The following ANKRD44 variants were observed in gnomAD, a reference collection of about 807,000 sequenced individuals.
ANKRD44 encodes the protein ankyrin repeat domain 44, also known as serine/threonine-protein phosphatase 6 regulatory ankyrin repeat subunit B.
A neutral mutation model predicts 116.0 loss-of-function variants in ANKRD44; 35 were observed. That is an observed-to-expected ratio of 0.30 (90% CI 0.23 to 0.40). The LOEUF (loss-of-function observed/expected upper bound fraction) is 0.40. Among genes scored for constraint, ANKRD44 ranks in the 10% least tolerant of loss-of-function variants. The probability of loss-of-function intolerance (pLI) is 1.00; values close to 1 mark genes in which losing one functional copy is unlikely to be tolerated. For synonymous variants in ANKRD44, 435 were observed against 461.8 expected (o/e 0.94, Z 0.74); for missense variants, 1,014 against 1,242.6 (o/e 0.82, Z 2.77).
rs769098088 is a variant in ANKRD44 at position 196,987,781 on chromosome 2, T to C, written c.*1810A>G. 273 of 985,236 alleles carry C rather than the reference T, an allele frequency of 2.8e-4. No individual in the cohort carries two copies. Among genetic ancestry groups the C allele is most frequent in the Non-Finnish European group, 3.2e-4 (263 of 829,914 alleles). 61.0% of individuals were successfully genotyped at this position (985,236 alleles called of 1,614,324 possible). A position where few individuals can be genotyped will look rare whatever the true frequency, so the allele number is the denominator to read the frequency against. On this transcript the variant is annotated 3_prime_UTR_variant, in exon 28 of 28. Coordinates refer to ENST00000282272, the MANE Select transcript of ANKRD44 (RefSeq NM_001195144.2). ...ATGATCCTTGTAGTTGTGGTTAAAA[T>C]ACAGTCTAAAAATAACACAAATAAA... is the stretch of plus-strand genomic sequence containing the variant.
At chr2:197,137,554 G>A (rs1253686110) in intron 3 of ANKRD44, among the ~76,000 whole-genome samples, 1 of 152,152 alleles carries the variant, frequency 6.6e-6, no homozygotes, top group Non-Finnish European at 1.5e-5. Context: ...GTGAACTAGA[G>A]GTTTAGTTTA....
rs2075789414 is a variant in ANKRD44 at position 196,979,964 on chromosome 2, T to G, written c.2369-12518A>C. Among the ~76,000 whole-genome samples, 3 of 152,294 alleles carry G rather than the reference T, an allele frequency of 2.0e-5. No homozygotes were observed. The East Asian group carries it at 5.8e-4, about 29-fold the overall frequency. On this transcript the variant is annotated intron_variant, in intron 21 of 21. Transcript: ENST00000424317. ...CTGCTCCACACCATCCAGGACACTC[T>G]CAGATCACCAGGCTGGCGGCAAGGA...
chr2:196,968,301 G>A (rs1309888362), intron 21 of ANKRD44, among the ~76,000 whole-genome samples: 2 of 152,190 alleles, frequency 1.3e-5, no homozygotes, highest in African/African-American at 4.8e-5. Context: ...ATTGGCTCCA[G>A]GAATGGTTCC....
At chr2:197,042,795 C>T (rs908752729) in intron 16 of ANKRD44, among the ~76,000 whole-genome samples, 3 of 152,214 alleles carry the variant, frequency 2.0e-5, no homozygotes, top group African/African-American at 7.2e-5. Context: ...GAATCATGTT[C>T]AGCCAGTGAG....
chr2:197,047,871 T>C (rs537965067), intron 16 of ANKRD44, among the ~76,000 whole-genome samples: 4 of 151,714 alleles, frequency 2.6e-5, no homozygotes, highest in African/African-American at 9.7e-5. Flanking sequence ...GATTGTGCCA[T>C]TGCACTCTAG....
chr2:196,999,114 C>A, intron 23 of ANKRD44, 62 bp from the exon 24 acceptor site: 1 of 1,578,928 alleles, frequency 6.3e-7, no homozygotes, highest in East Asian at 2.2e-5. Flanking sequence ...CTAGTTACTG[C>A]CCAAGAAACA....
intron 1 of ANKRD44, among the ~76,000 whole-genome samples, chr2:197,303,058 T>G (rs1008629720): frequency 1.4e-4 from 21 of 152,272 alleles, no homozygotes; most frequent in Middle Eastern, 3.4e-3. Context: ...GGGTTCTGTG[T>G]CCCCACAGCC....
At chr2:197,183,264 G>A (rs2080561548) in intron 2 of ANKRD44, among the ~76,000 whole-genome samples, 1 of 152,104 alleles carries the variant, frequency 6.6e-6, no homozygotes, top group East Asian at 1.9e-4. Flanking sequence ...AGGGAAAGGT[G>A]AAAAACTCAG....
chr2:197,031,616 A>C (rs570721027), intron 16 of ANKRD44, among the ~76,000 whole-genome samples: 20 of 152,272 alleles, frequency 1.3e-4, no homozygotes, highest in African/African-American at 4.8e-4. Flanking sequence ...TAGATTCAGA[A>C]CTCCTTTCTA....
intron 16 of ANKRD44, among the ~76,000 whole-genome samples, chr2:197,057,249 G>A (rs926016899): frequency 2.0e-5 from 3 of 152,104 alleles, no homozygotes; most frequent in African/African-American, 7.2e-5. Flanking sequence ...TGATTGAAAT[G>A]TTTATCTGAT....
At chr2:197,075,843 TGTCAGA>T (rs1196108181) in intron 16 of ANKRD44, among the ~76,000 whole-genome samples, 1 of 151,962 alleles carries the variant, frequency 6.6e-6, no homozygotes, top group Non-Finnish European at 1.5e-5. Flanking sequence ...CCAAGCTGAG[TGTCAGA>T]GTCAAAGAAA....
chr2:197,012,896 C>T (rs1051715248), intron 18 of ANKRD44, among the ~76,000 whole-genome samples: 3 of 152,172 alleles, frequency 2.0e-5, no homozygotes, highest in Admixed American at 6.5e-5. Flanking sequence ...CCATATTACC[C>T]TTATGTCTGT....
intron 1 of ANKRD44, among the ~76,000 whole-genome samples, chr2:197,242,733 C>T (rs1414951579): frequency 2.6e-5 from 4 of 152,226 alleles, no homozygotes; most frequent in Admixed American, 1.3e-4. Context: ...AGAGTTGGGA[C>T]TTGACTCACC....
intron 1 of ANKRD44, among the ~76,000 whole-genome samples, chr2:197,214,437 G>A (rs1197439853): frequency 6.6e-6 from 1 of 152,126 alleles, no homozygotes; most frequent in East Asian, 1.9e-4. Flanking sequence ...GAATTTTGTT[G>A]CATTAAGTAA....
At chr2:197,133,734 C>T (rs977588313) in intron 4 of ANKRD44, among the ~76,000 whole-genome samples, 3 of 152,066 alleles carry the variant, frequency 2.0e-5, no homozygotes, top group African/African-American at 7.2e-5. Flanking sequence ...CTTTTCTTCC[C>T]CTCAAATCTA....
chr2:197,170,632 T>C (rs905852673), intron 2 of ANKRD44, among the ~76,000 whole-genome samples: 3 of 152,250 alleles, frequency 2.0e-5, no homozygotes, highest in African/African-American at 7.2e-5. Flanking sequence ...CATTTTCATA[T>C]GTCTTTTTAA....
intron 16 of ANKRD44, among the ~76,000 whole-genome samples, chr2:197,044,004 A>G (rs1357466110): frequency 2.6e-5 from 4 of 152,232 alleles, no homozygotes; most frequent in African/African-American, 7.2e-5. Flanking sequence ...ATCAGTGATC[A>G]AACAATTAAA....
intron 1 of ANKRD44, among the ~76,000 whole-genome samples, chr2:197,188,564 G>A (rs925583102): frequency 6.6e-6 from 1 of 152,188 alleles, no homozygotes; most frequent in Non-Finnish European, 1.5e-5. Context: ...ACTTGGGGGT[G>A]AGCATGATCA....
intron 1 of ANKRD44, among the ~76,000 whole-genome samples, chr2:197,241,333 T>C (rs1341973917): frequency 6.6e-6 from 1 of 152,220 alleles, no homozygotes; most frequent in Non-Finnish European, 1.5e-5. Context: ...GGTTTCTTTC[T>C]TGCAGACCTT....
Sources: allele counts gnomAD v4.1 joint callset (sites outside exome capture counted in the v4.1 genomes callset), GRCh38; gene constraint gnomAD v4.1.1; transcripts MANE v1.5; gene names NCBI Gene and HGNC (gene_info 2026-07-23, HGNC 2026-07-21).